The following TIAM2 variants were observed in gnomAD, a reference collection of about 807,000 sequenced individuals.
TIAM2 encodes TIAM Rac1 associated GEF 2, also known as rho guanine nucleotide exchange factor TIAM2.
In TIAM2, 80 loss-of-function variants were observed where a neutral mutation model predicts 152.9. The ratio of observed to expected loss-of-function variants is 0.52; its 90% confidence interval spans 0.44 to 0.63. TIAM2 has a LOEUF of 0.63. Ranked by LOEUF, TIAM2 falls within the 30% of genes least tolerant of loss-of-function variation. The pLI is 0.00. For missense variants in TIAM2, 1,965 were observed against 2,120.1 expected, an observed-to-expected ratio of 0.93 and a Z score of 1.44; for synonymous variants, 804 against 838.0, an observed-to-expected ratio of 0.96 and a Z score of 0.70.
intron 6 of TIAM2, among the ~76,000 whole-genome samples, chr6:155,145,801 C>T (rs1470227681): frequency 6.6e-6 from 1 of 152,150 alleles, no homozygotes; most frequent in African/African-American, 2.4e-5. Flanking sequence ...GAAGTGCTCC[C>T]TCACTTACCC....
intron 5 of TIAM2, among the ~76,000 whole-genome samples, chr6:155,137,982 G>A (rs985729990): frequency 2.6e-5 from 4 of 152,038 alleles, no homozygotes; most frequent in Non-Finnish European, 4.4e-5. Context: ...AATTATGGGC[G>A]TGGGCCACCA....
intron 1 of TIAM2, among the ~76,000 whole-genome samples, chr6:155,044,463 A>G (rs555920174): frequency 1.7e-4 from 26 of 152,146 alleles, no homozygotes; most frequent in Non-Finnish European, 3.5e-4. Flanking sequence ...AGCTGGGGAA[A>G]CTTTCTTCAT....
In TIAM2 at chr6:155,100,598, T is replaced by G. The variant is rs573885100; in HGVS notation, c.-118+10219T>G. ...ATGCATGCAGTTACTTAACATGTAT[T>G]TATTGGGTATTCACCATGTGCCAGG... On this transcript the variant is annotated intron_variant, in intron 2 of 26. Transcript: ENST00000682666. Among the ~76,000 whole-genome samples the G allele has an allele frequency of 7.9e-4, 120 of 152,320 alleles. 2 individuals carry two copies. In the South Asian group the frequency reaches 0.017, roughly 21 times the overall value.
chr6:155,142,860 G>T (rs1231935208), intron 5 of TIAM2, among the ~76,000 whole-genome samples: 1 of 152,234 alleles, frequency 6.6e-6, no homozygotes, highest in African/African-American at 2.4e-5. Flanking sequence ...CAAGCTTGGA[G>T]CAGGCATCTT....
intron 1 of TIAM2, among the ~76,000 whole-genome samples, chr6:155,048,609 G>T (rs1323763870): frequency 6.6e-6 from 1 of 152,154 alleles, no homozygotes; most frequent in Non-Finnish European, 1.5e-5. Flanking sequence ...GCCTAGAGTG[G>T]CAGGCCTGGT....
chr6:155,173,395 G>GT (rs1780682390), intron 9 of TIAM2, among the ~76,000 whole-genome samples: 1 of 152,148 alleles, frequency 6.6e-6, no homozygotes, highest in Non-Finnish European at 1.5e-5. Context: ...ACAGCACCTT[G>GT]TTTAATGGAT....
intron 1 of TIAM2, among the ~76,000 whole-genome samples, chr6:155,062,291 A>C (rs995177177): frequency 1.3e-5 from 2 of 152,192 alleles, no homozygotes. Context: ...TAAAGCTGCT[A>C]TAAACAATTG....
chr6:155,168,695 T>A (rs1228212271), intron 9 of TIAM2: 3 of 636,518 alleles, frequency 4.7e-6, no homozygotes, highest in Non-Finnish European at 7.5e-6. Flanking sequence ...AAATAAAAAC[T>A]TTAAGTGTAT....
At chr6:155,153,739 A>G (rs926681462) in intron 7 of TIAM2, among the ~76,000 whole-genome samples, 1 of 148,988 alleles carries the variant, frequency 6.7e-6, no homozygotes, top group African/African-American at 2.5e-5. Context: ...CTCCTGCCTC[A>G]ACCTCCCGAG....
intron 1 of TIAM2, among the ~76,000 whole-genome samples, chr6:155,070,290 G>A (rs1488938326): frequency 7.6e-6 from 1 of 130,858 alleles, no homozygotes; most frequent in Non-Finnish European, 1.5e-5. Context: ...GGGCGATCTC[G>A]GCTCACTGCA....
At chr6:155,177,360 G>A (rs989742479) in intron 10 of TIAM2, among the ~76,000 whole-genome samples, 21 of 152,226 alleles carry the variant, frequency 1.4e-4, no homozygotes, top group Admixed American at 2.0e-4. Flanking sequence ...TAGTTTTATC[G>A]GATTTCTCCA....
At position 155,254,494 on chromosome 6, in the gene TIAM2, G is replaced by A. The variant is rs1783878279; in HGVS notation, c.4389G>A (p.Lys1463=). The change falls in exon 26 of 27, where the codon AAG becomes AAA. Residue 1463 remains lysine, a synonymous_variant. Coordinates refer to ENST00000682666, the MANE Select transcript of TIAM2 (RefSeq NM_012454.4). ...GGGAGAACTTCAGGCGTCACATAAA[G>A]TGTGAATTACCACTGGAGAAAACGT... is the stretch of plus-strand genomic sequence containing the variant. ...ILRENFRRHI[K]CELPLEKTCK... The A allele has an allele frequency of 6.2e-7, 1 of 1,614,186 alleles. No individual in the cohort carries two copies. The highest frequency in any genetic ancestry group is 1.1e-5 in the South Asian group (1 of 91,088).
chr6:155,178,961 A>C (rs1416889161), intron 10 of TIAM2, 78 bp from the exon 11 acceptor site: 1 of 1,182,784 alleles, frequency 8.5e-7, no homozygotes, highest in African/African-American at 1.5e-5. Flanking sequence ...TTCTACTTTG[A>C]TTTTTAATAA....
chr6:155,024,974 A>G (rs570541459), intron 1 of TIAM2, among the ~76,000 whole-genome samples: 2 of 152,198 alleles, frequency 1.3e-5, no homozygotes, highest in Admixed American at 6.5e-5. Context: ...GTTATTTAGC[A>G]TTCCATAGAA....
intron 6 of TIAM2, among the ~76,000 whole-genome samples, 159 bp downstream of exon 6, chr6:155,144,937 G>T (rs1779789238): frequency 6.6e-6 from 1 of 152,196 alleles, no homozygotes; most frequent in African/African-American, 2.4e-5. Flanking sequence ...GACTGCCAAG[G>T]GCACTGGGCC....
intron 1 of TIAM2, among the ~76,000 whole-genome samples, chr6:155,019,011 G>T: frequency 6.7e-6 from 1 of 150,022 alleles, no homozygotes; most frequent in Non-Finnish European, 1.5e-5. Context: ...GTGCACTGCA[G>T]CCTGGGTGAC....
intron 14 of TIAM2, among the ~76,000 whole-genome samples, chr6:155,183,931 C>A (rs1230585548): frequency 1.3e-5 from 2 of 152,126 alleles, no homozygotes; most frequent in Admixed American, 1.3e-4. Flanking sequence ...TCAGTTATAT[C>A]TTTTGTTAAG....
chr6:155,119,295 A>G (rs1441811206), intron 2 of TIAM2, among the ~76,000 whole-genome samples: 1 of 151,616 alleles, frequency 6.6e-6, no homozygotes, highest in African/African-American at 2.4e-5. Flanking sequence ...TCGGCCTCCC[A>G]AAGTCCTGGG....
chr6:155,244,973 T>C, intron 18 of TIAM2, 190 bp downstream of exon 18: 1 of 629,358 alleles, frequency 1.6e-6, no homozygotes, highest in South Asian at 3.6e-5. Flanking sequence ...TTTTTTTTCC[T>C]GGCGCAGGTG....
Sources: gnomAD v4.1 joint callset for allele counts (sites outside exome capture counted in the v4.1 genomes callset) on GRCh38, gnomAD v4.1.1 for gene constraint, MANE v1.5 for transcripts, NCBI Gene and HGNC (gene_info 2026-07-23, HGNC 2026-07-21) for gene names.